The following GOLIM4 variants were observed in gnomAD, a reference collection of about 807,000 sequenced individuals.
GOLIM4 encodes 130 kDa golgi-localized phosphoprotein.
A neutral mutation model predicts 107.4 loss-of-function variants in GOLIM4; 71 were observed. The observed-to-expected ratio is 0.66, with a 90% CI of 0.55 to 0.81. The LOEUF is 0.81. Among genes scored for constraint, GOLIM4 ranks in the 30% least tolerant of loss-of-function variants. The pLI is 0.00. For synonymous variants in GOLIM4, 327 were observed against 294.8 expected (o/e 1.11, Z -1.12); for missense variants, 830 against 826.1 (o/e 1.00, Z -0.06).
At chr3:168,050,848 T>TAAA (rs1286013133) in intron 1 of GOLIM4, among the ~76,000 whole-genome samples, 1 of 147,396 alleles carries the variant, frequency 6.8e-6, no homozygotes, top group Non-Finnish European at 1.5e-5. Flanking sequence ...ATAATAATAA[T>TAAA]AATAATAATA....
chr3:168,014,497 T>G (rs1717247255), intron 14 of GOLIM4, among the ~76,000 whole-genome samples: 1 of 127,686 alleles, frequency 7.8e-6, no homozygotes, highest in Non-Finnish European at 1.5e-5. Flanking sequence ...CTGAAACTAT[T>G]CCAATCAATA....
At chr3:168,061,893 T>C (rs1720293020) in intron 1 of GOLIM4, among the ~76,000 whole-genome samples, 1 of 152,184 alleles carries the variant, frequency 6.6e-6, no homozygotes, top group Admixed American at 6.5e-5. Flanking sequence ...TTCTGATTCT[T>C]GGTCTGAGAG....
intron 14 of GOLIM4, among the ~76,000 whole-genome samples, chr3:168,015,291 T>C (rs947850416): frequency 5.5e-5 from 8 of 146,070 alleles, no homozygotes; most frequent in East Asian, 1.9e-4. Context: ...CCATTCACAA[T>C]TGCTTCAAAG....
intron 14 of GOLIM4, among the ~76,000 whole-genome samples, chr3:168,011,496 T>G (rs1717029241): frequency 6.6e-6 from 1 of 151,842 alleles, no homozygotes; most frequent in African/African-American, 2.4e-5. Context: ...CAGGCTTGAT[T>G]AGGTAAACAA....
At chr3:168,059,925 T>C (rs990896184) in intron 1 of GOLIM4, among the ~76,000 whole-genome samples, 13 of 152,038 alleles carry the variant, frequency 8.6e-5, no homozygotes, top group Non-Finnish European at 1.8e-4. Flanking sequence ...AGGAAAGCTG[T>C]ACAGTGCAAG....
At chr3:168,030,186 A>C in intron 9 of GOLIM4, 150 bp from the exon 10 acceptor site, 1 of 758,462 alleles carries the variant, frequency 1.3e-6, no homozygotes, top group Non-Finnish European at 2.0e-6. Context: ...AAGTCCAAAA[A>C]CTCCTATTTC....
intron 14 of GOLIM4, among the ~76,000 whole-genome samples, chr3:168,023,164 A>G (rs1717808258): frequency 6.6e-6 from 1 of 152,192 alleles, no homozygotes; most frequent in African/African-American, 2.4e-5. Flanking sequence ...TTCTCTTTTA[A>G]TCCCTCAAAG....
intron 2 of GOLIM4, among the ~76,000 whole-genome samples, chr3:168,047,323 C>T (rs941108138): frequency 1.3e-5 from 2 of 152,130 alleles, no homozygotes; most frequent in Non-Finnish European, 1.5e-5. Context: ...CATCTGAAGA[C>T]AAAGGTGATT....
chr3:168,044,113 G>A (rs1161853089), intron 4 of GOLIM4, among the ~76,000 whole-genome samples: 1 of 152,178 alleles, frequency 6.6e-6, no homozygotes. Flanking sequence ...TAATGTGAAA[G>A]CATGGTTTGC....
intron 1 of GOLIM4, 74 bp from the exon 2 acceptor site, chr3:168,048,439 A>G: frequency 2.8e-6 from 2 of 719,988 alleles, no homozygotes. Context: ...AATTTTTAAA[A>G]CAGGAAGAAA....
rs116208373 is a variant in GOLIM4 at position 168,071,540 on chromosome 3, C to T, written c.188-23175G>A. 9.5e-3 allele frequency among the ~76,000 whole-genome samples: 1,436 copies of T among 151,420 alleles called. 21 individuals carry two copies. The highest frequency in any genetic ancestry group is 0.031 in the African/African-American group (1,286 of 41,214). On this transcript the variant is annotated intron_variant, in intron 1 of 15. Transcript: ENST00000470487. ...GGAAACTGTCCCCCACTTTCCCCGGCGCCCCCCTACCTCCAGGAAAAGCAA... is the reference window on the plus strand; with the variant it reads ...GGAAACTGTCCCCCACTTTCCCCGGTGCCCCCCTACCTCCAGGAAAAGCAA...
chr3:168,025,717 G>C (rs1183552971), intron 12 of GOLIM4, among the ~76,000 whole-genome samples: 1 of 152,174 alleles, frequency 6.6e-6, no homozygotes, highest in Non-Finnish European at 1.5e-5. Flanking sequence ...ACTGGCGAGG[G>C]ATGGGAGTTA....
rs57702503 is a variant in GOLIM4, at chr3:168,044,890, CA to C, written c.313-10del. On this transcript the variant is annotated splice_polypyrimidine_tract_variant and intron_variant, in intron 3 of 15. Transcript: ENST00000470487. ...CTGCTATTGGAATCTTGCTGTAAAT[CA>C]AAAAAAAAAAAGAAAACACAAAGAT... The C allele has an allele frequency of 0.065, 77,167 of 1,181,220 alleles. 120 individuals carry two copies. Among genetic ancestry groups the C allele is most frequent in the East Asian group, 0.15 (4,349 of 28,746 alleles). The allele number at this position is 1,181,220 out of a possible 1,614,324, so 73.2% of individuals were successfully genotyped here.
chr3:168,057,692 C>T (rs187006330), intron 1 of GOLIM4, among the ~76,000 whole-genome samples: 153 of 152,292 alleles, frequency 1.0e-3, no homozygotes, highest in Middle Eastern at 3.4e-3. Flanking sequence ...TCAATAGATA[C>T]TTCTTGAATA....
chr3:168,041,138 T>C (rs1577530242), intron 6 of GOLIM4: 1 of 513,114 alleles, frequency 1.9e-6, no homozygotes, highest in Non-Finnish European at 3.4e-6. Flanking sequence ...TAAACTTTTA[T>C]AAATAAAAAG....
At chr3:168,011,038 G>A (rs183782640) in intron 14 of GOLIM4, among the ~76,000 whole-genome samples, 37 of 152,280 alleles carry the variant, frequency 2.4e-4, no homozygotes, top group Admixed American at 1.8e-3. Flanking sequence ...TATAAGGGAG[G>A]AGCCAAGATG....
intron 1 of GOLIM4, among the ~76,000 whole-genome samples, chr3:168,060,973 G>C (rs928418331): frequency 6.6e-6 from 1 of 152,182 alleles, no homozygotes; most frequent in Non-Finnish European, 1.5e-5. Flanking sequence ...ATCTGAGAAA[G>C]AGTAGAGGTT....
At position 168,075,582 on chromosome 3, in the gene GOLIM4, C is replaced by A. The variant is rs374521510; in HGVS notation, c.187+19517G>T. On this transcript the variant is annotated intron_variant, in intron 1 of 15. Coordinates refer to ENST00000470487, the MANE Select transcript of GOLIM4 (RefSeq NM_014498.5). Reference sequence around the variant, plus strand: ...CAAAGTGCTGGGATTACAGCATTCACTAGTTTTATAGAGCCTTTAGAGCTT... The same window carrying A: ...CAAAGTGCTGGGATTACAGCATTCAATAGTTTTATAGAGCCTTTAGAGCTT... 2.0e-5 allele frequency among the ~76,000 whole-genome samples: 3 copies of A among 152,122 alleles called. No homozygotes were observed. In the East Asian group the frequency reaches 5.8e-4, roughly 29 times the overall value.
chr3:168,061,939 G>C (rs1720297262), intron 1 of GOLIM4, among the ~76,000 whole-genome samples: 1 of 152,136 alleles, frequency 6.6e-6, no homozygotes, highest in African/African-American at 2.4e-5. Context: ...AATTCATTGA[G>C]CTGTTTACTT....
Sources: allele counts gnomAD v4.1 joint callset (sites outside exome capture counted in the v4.1 genomes callset), GRCh38; gene constraint gnomAD v4.1.1; transcripts MANE v1.5; gene names NCBI Gene and HGNC (gene_info 2026-07-23, HGNC 2026-07-21).